The following WNT2B variants were observed in gnomAD, a reference collection of about 807,000 sequenced individuals.
The protein encoded by WNT2B is Wnt family member 2B, also known as protein Wnt-2b.
WNT2B carries 19 observed loss-of-function variants against 40.5 expected under a neutral mutation model. The observed-to-expected ratio is 0.47, with a 90% CI of 0.33 to 0.69. The LOEUF is 0.69. WNT2B is among the 30% of genes least tolerant of loss of function. The pLI is 0.02. For synonymous variants in WNT2B, 220 were observed against 211.9 expected (o/e 1.04, Z -0.33); for missense variants, 467 against 556.4 (o/e 0.84, Z 1.62).
At chr1:112,508,429 T>C (rs562067848), upstream of WNT2B, among the ~76,000 whole-genome samples, 45 of 151,610 alleles carry the variant, frequency 3.0e-4, 2 homozygotes, top group African/African-American at 1.0e-3. The surrounding 1 kb of genome is among the most constrained non-coding windows in gnomAD (Gnocchi z 4.2). Context: ...GGCGATGAGC[T>C]CTAGCTGAAA....
intron 1 of WNT2B, among the ~76,000 whole-genome samples, chr1:112,493,834 A>G (rs1217373418): frequency 1.3e-5 from 2 of 152,110 alleles, no homozygotes; most frequent in African/African-American, 4.8e-5. Context: ...CACAGGTCCA[A>G]GAAGTTCAGT....
rs201401603 is a variant in WNT2B at position 112,509,482 on chromosome 1, G to C, written c.182+38G>C. On this transcript the variant is annotated intron_variant, in intron 1 of 4. Coordinates refer to ENST00000369684, the MANE Select transcript of WNT2B (RefSeq NM_024494.3). This position sits in a 1 kb window ranked among gnomAD's most constrained non-coding sequence, Gnocchi z 4.2. The stretch of plus-strand genomic sequence containing the variant: ...CTCAGGCTGGGCGGGTGAGGCGCTT[G>C]GTAGGAGAGGCCGGAGGCGCCTGGA... 8.3e-4 allele frequency: 1,265 copies of C among 1,532,116 alleles called. 7 individuals carry two copies. In the African/African-American group the frequency reaches 0.013, roughly 16 times the overall value. 94.9% of individuals were successfully genotyped at this position (1,532,116 alleles called of 1,614,324 possible).
intron 1 of WNT2B, among the ~76,000 whole-genome samples, chr1:112,475,457 T>G (rs1192741332): frequency 6.6e-6 from 1 of 152,230 alleles, no homozygotes; most frequent in African/African-American, 2.4e-5. Context: ...AACAATAACT[T>G]TTCTTTAAAT....
chr1:112,484,719 G>C (rs1298278088), intron 1 of WNT2B, among the ~76,000 whole-genome samples: 1 of 150,934 alleles, frequency 6.6e-6, no homozygotes, highest in African/African-American at 2.4e-5. Flanking sequence ...TCCAGCCTGG[G>C]TGACAGAGCA....
At chr1:112,511,924 T>A (rs973258149) in intron 1 of WNT2B, among the ~76,000 whole-genome samples, 3 of 152,186 alleles carry the variant, frequency 2.0e-5, no homozygotes, top group African/African-American at 7.2e-5. Flanking sequence ...GTGAGATGGG[T>A]TCTATTATCA....
intron 1 of WNT2B, among the ~76,000 whole-genome samples, chr1:112,475,128 G>A (rs1651017015): frequency 6.6e-6 from 1 of 152,148 alleles, no homozygotes; most frequent in Non-Finnish European, 1.5e-5. Context: ...AACTAATACA[G>A]ATTGCTTTCC....
At position 112,468,249 on chromosome 1, in the gene WNT2B, G is replaced by A. The variant is rs576135679; in HGVS notation, c.-95+658G>A. Reference sequence around the variant, plus strand: ...GTTTATATCTTTGCTGTCATGAGTCGTGCTGTAATACACATCTGAACGCAG... The same window carrying A: ...GTTTATATCTTTGCTGTCATGAGTCATGCTGTAATACACATCTGAACGCAG... On this transcript the variant is annotated intron_variant, in intron 1 of 4. Transcript: ENST00000256640. Among the ~76,000 whole-genome samples the A allele has an allele frequency of 1.8e-4, 28 of 152,144 alleles. 1 individual carries two copies. The East Asian group carries it at 2.9e-3, about 16-fold the overall frequency.
intron 1 of WNT2B, among the ~76,000 whole-genome samples, chr1:112,482,192 G>A (rs1208050914): frequency 6.6e-6 from 1 of 151,720 alleles, no homozygotes; most frequent in African/African-American, 2.4e-5. Context: ...GGTGGTGCAT[G>A]CCTGTGGTTC....
chr1:112,520,285 C>T lies in WNT2B; in HGVS notation c.952C>T (p.Leu318=). Residue 318 remains leucine, a synonymous_variant, in exon 5 of 5, where the codon CTA becomes TTA. Transcript: ENST00000369684. Reference sequence around the variant, plus strand: ...CCCTCTCTTCCCCAACCCAGGTTCCCTAGGCACTGCAGGCCGTGTCTGCAG... The same window carrying T: ...CCCTCTCTTCCCCAACCCAGGTTCCTTAGGCACTGCAGGCCGTGTCTGCAG... ...YCVLDKAAGS[L]GTAGRVCSKT... is the part of the protein sequence containing the mutation. The T allele has an allele frequency of 6.2e-7, 1 of 1,613,736 alleles. No homozygotes were observed. Among genetic ancestry groups the T allele is most frequent in the Non-Finnish European group, 8.5e-7 (1 of 1,179,868 alleles).
At chr1:112,508,914 C>T, upstream of WNT2B, 1 of 1,085,474 alleles carries the variant, frequency 9.2e-7, no homozygotes, top group Non-Finnish European at 1.1e-6. This position sits in a 1 kb window ranked among gnomAD's most constrained non-coding sequence, Gnocchi z 4.2. Flanking sequence ...TCCCCGGCCT[C>T]GGCCCCGCCC....
rs577926016 is a variant in WNT2B at position 112,525,126 on chromosome 1, A to G, written c.*4617A>G. 246 of 152,272 alleles carry G rather than the reference A, an allele frequency of 1.6e-3. No homozygotes were observed. Among genetic ancestry groups the G allele is most frequent in the African/African-American group, 5.3e-3 (222 of 41,540 alleles). 9.4% of individuals were successfully genotyped at this position (152,272 alleles called of 1,614,324 possible). A position where few individuals can be genotyped will look rare whatever the true frequency, so the allele number is the denominator to read the frequency against. ...CCAGAGATAGTGAGATGTGCACCCT[A>G]TGTGCTGAGAATGATGGAGCAGTCT... On this transcript the variant is annotated 3_prime_UTR_variant, in exon 5 of 5. Coordinates refer to ENST00000369684, the MANE Select transcript of WNT2B (RefSeq NM_024494.3).
rs957569741 is a variant in WNT2B at position 112,523,452 on chromosome 1, C to A, written c.*2943C>A. The A allele has an allele frequency of 4.6e-5, 7 of 152,226 alleles. No individual in the cohort carries two copies. The highest frequency in any genetic ancestry group is 2.6e-4 in the Admixed American group (4 of 15,286). 9.4% of individuals were successfully genotyped at this position (152,226 alleles called of 1,614,324 possible). A position where few individuals can be genotyped will look rare whatever the true frequency, so the allele number is the denominator to read the frequency against. ...ATTTTTCCTCCTAGTTCTTAGCTTG[C>A]TTCTGCATTGATTGGCTTTACACAA... On this transcript the variant is annotated 3_prime_UTR_variant, in exon 5 of 5. Coordinates refer to ENST00000369684, the MANE Select transcript of WNT2B (RefSeq NM_024494.3).
intron 1 of WNT2B, among the ~76,000 whole-genome samples, chr1:112,470,715 CCAGA>C (rs930364226): frequency 1.3e-5 from 2 of 152,184 alleles, no homozygotes; most frequent in African/African-American, 4.8e-5. Flanking sequence ...TGCCCAGGCC[CCAGA>C]CAGTCAGCTC....
chr1:112,482,709 C>G (rs1390736542), intron 1 of WNT2B, among the ~76,000 whole-genome samples: 1 of 151,820 alleles, frequency 6.6e-6, no homozygotes, highest in African/African-American at 2.4e-5. Context: ...CCATTAGCAA[C>G]AAAAAGAATA....
chr1:112,510,139 A>T (rs1379829246), intron 1 of WNT2B, among the ~76,000 whole-genome samples: 2 of 152,056 alleles, frequency 1.3e-5, no homozygotes, highest in African/African-American at 4.8e-5. Context: ...CCAAGATACT[A>T]AGAGACCCCC....
At chr1:112,502,315 G>T (rs1463253393) in intron 1 of WNT2B, among the ~76,000 whole-genome samples, 1 of 152,136 alleles carries the variant, frequency 6.6e-6, no homozygotes, top group East Asian at 1.9e-4. Flanking sequence ...CCTGGGGCCC[G>T]CCAGAGCCCT....
intron 1 of WNT2B, among the ~76,000 whole-genome samples, chr1:112,478,460 T>C (rs1415506549): frequency 1.3e-5 from 2 of 151,828 alleles, no homozygotes. Context: ...TTGAAAGCAG[T>C]AAGAGAAAAG....
At chr1:112,479,113 C>A (rs1237389123) in intron 1 of WNT2B, among the ~76,000 whole-genome samples, 1 of 149,186 alleles carries the variant, frequency 6.7e-6, no homozygotes, top group Non-Finnish European at 1.5e-5. Flanking sequence ...CCCAGCTACT[C>A]AGGAGGCTGA....
intron 1 of WNT2B, among the ~76,000 whole-genome samples, chr1:112,471,273 C>CA (rs1270001394): frequency 6.6e-6 from 1 of 152,216 alleles, no homozygotes; most frequent in African/African-American, 2.4e-5. Flanking sequence ...ACACTAGTCT[C>CA]AGAGTTTGTA....
Sources: gnomAD v4.1 joint callset for allele counts (sites outside exome capture counted in the v4.1 genomes callset) on GRCh38, gnomAD v4.1.1 for gene constraint, Gnocchi (gnomAD v3.1) non-coding constraint, MANE v1.5 for transcripts, NCBI Gene and HGNC (gene_info 2026-07-23, HGNC 2026-07-21) for gene names.